The following RGP1 variants were observed in gnomAD, a reference collection of about 807,000 sequenced individuals.
RGP1 encodes RAB6A-GEF complex partner protein 2.
In RGP1, 28 loss-of-function variants were observed where a neutral mutation model predicts 44.5. The observed-to-expected ratio is 0.63, with a 90% CI of 0.47 to 0.86. The LOEUF is 0.86. RGP1 is among the 40% of genes least tolerant of loss of function. The probability of loss-of-function intolerance (pLI) is 0.00; values close to 1 mark genes in which losing one functional copy is unlikely to be tolerated. For synonymous variants in RGP1, 212 were observed against 196.7 expected, an observed-to-expected ratio of 1.08 and a Z score of -0.65; for missense variants, 417 against 490.7, an observed-to-expected ratio of 0.85 and a Z score of 1.42.
rs775519442 is a variant in RGP1, at chr9:35,749,309, GGACGCCGCCGCCGCCGCCGCCGCCGC to G, written c.-117_-92del. 1 of 522,040 alleles carries G rather than the reference GGACGCCGCCGCCGCCGCCGCCGCCGC, an allele frequency of 1.9e-6. No individual in the cohort carries two copies. Among genetic ancestry groups the G allele is most frequent in the South Asian group, 1.4e-5 (1 of 70,174 alleles). 32.3% of individuals were successfully genotyped at this position (522,040 alleles called of 1,614,324 possible). A position where few individuals can be genotyped will look rare whatever the true frequency, so the allele number is the denominator to read the frequency against. ...GGAAGTCCCGCCTCTACCGCCCAGCGGACGCCGCCGCCGCCGCCGCCGCCGCGTACCTAGCCAGGTCCCTGAGGGGC... is the reference window on the plus strand; with the variant it reads ...GGAAGTCCCGCCTCTACCGCCCAGCGGTACCTAGCCAGGTCCCTGAGGGGC... On this transcript the variant is annotated 5_prime_UTR_variant, in exon 1 of 9. Coordinates refer to ENST00000378078, the MANE Select transcript of RGP1 (RefSeq NM_001080496.3). The surrounding 1 kb of genome is among the most constrained non-coding windows in gnomAD (Gnocchi z 4.4).
the RGP1 span, among the ~76,000 whole-genome samples, chr9:35,782,254 A>C: frequency 6.6e-6 from 1 of 152,102 alleles, no homozygotes; most frequent in African/African-American, 2.4e-5. Flanking sequence ...AAGTTAGTAA[A>C]GGTGCCGTTA....
the RGP1 span, among the ~76,000 whole-genome samples, chr9:35,770,414 G>A: frequency 3.3e-5 from 5 of 150,776 alleles, no homozygotes; most frequent in African/African-American, 7.3e-5. Flanking sequence ...TGATTTGAAA[G>A]CTGATAGAAA....
chr9:35,785,996 A>G, the RGP1 span, among the ~76,000 whole-genome samples: 3 of 152,010 alleles, frequency 2.0e-5, no homozygotes, highest in Non-Finnish European at 2.9e-5. Flanking sequence ...CCAATCTTAC[A>G]TCGCCACTGC....
downstream of RGP1, among the ~76,000 whole-genome samples, chr9:35,759,729 T>A (rs1827402173): frequency 6.6e-6 from 1 of 151,948 alleles, no homozygotes; most frequent in Admixed American, 6.6e-5. Context: ...TAGAGGGTTG[T>A]AAATACTTAA....
chr9:35,751,910 T>C, intron 7 of RGP1, 46 bp from the exon 8 acceptor site: 3 of 1,557,020 alleles, frequency 1.9e-6, no homozygotes, highest in Non-Finnish European at 2.6e-6. Flanking sequence ...TCCTCTCACC[T>C]ACAGACAGCA....
chr9:35,759,084 C>T (rs1827395835), downstream of RGP1, among the ~76,000 whole-genome samples: 1 of 152,170 alleles, frequency 6.6e-6, no homozygotes, highest in Non-Finnish European at 1.5e-5. Flanking sequence ...GTTTCCATTA[C>T]TTTTCCTACA....
rs1019163079 is a variant in RGP1, at chr9:35,749,327, C to T, written c.-101C>T. 4 of 528,614 alleles carry T rather than the reference C, an allele frequency of 7.6e-6. No homozygotes were observed. The highest frequency in any genetic ancestry group is 1.5e-5 in the Non-Finnish European group (4 of 258,452). The allele number at this position is 528,614 out of a possible 1,614,324, so 32.7% of individuals were successfully genotyped here. Reference sequence around the variant, plus strand: ...GCCCAGCGGACGCCGCCGCCGCCGCCGCCGCCGCGTACCTAGCCAGGTCCC... The same window carrying T: ...GCCCAGCGGACGCCGCCGCCGCCGCTGCCGCCGCGTACCTAGCCAGGTCCC... On this transcript the variant is annotated 5_prime_UTR_variant, in exon 1 of 9. Coordinates refer to ENST00000378078, the MANE Select transcript of RGP1 (RefSeq NM_001080496.3). The surrounding 1 kb of genome is among the most constrained non-coding windows in gnomAD (Gnocchi z 4.4).
chr9:35,780,440 A>T, the RGP1 span: 2 of 152,342 alleles, frequency 1.3e-5, no homozygotes, highest in Admixed American at 1.3e-4. Context: ...ATGAAGACTG[A>T]TGGGTGGCAG....
rs1827314696 is a variant in RGP1 at position 35,753,817 on chromosome 9, G to A, written c.*943G>A. 6.4e-7 allele frequency: 1 copy of A among 1,557,128 alleles called. No individual in the cohort carries two copies. Reference sequence around the variant, plus strand: ...GTAGGTGTAGGAGTGCTGATGAGAGGCAGAGGCTCTTCTGGTCTGGGGTGG... The same window carrying A: ...GTAGGTGTAGGAGTGCTGATGAGAGACAGAGGCTCTTCTGGTCTGGGGTGG... On this transcript the variant is annotated 3_prime_UTR_variant, in exon 9 of 9. Transcript: ENST00000378078. This position sits in a 1 kb window ranked among gnomAD's most constrained non-coding sequence, Gnocchi z 4.2.
At position 35,754,970 on chromosome 9, in the gene RGP1, C is replaced by T. The variant is rs1827336402; in HGVS notation, c.*2096C>T. 6.6e-6 allele frequency: 1 copy of T among 152,202 alleles called. No homozygotes were observed. The highest frequency in any genetic ancestry group is 6.5e-5 in the Admixed American group (1 of 15,286). 9.4% of individuals were successfully genotyped at this position (152,202 alleles called of 1,614,324 possible). On this transcript the variant is annotated 3_prime_UTR_variant, in exon 9 of 9. Coordinates refer to ENST00000378078, the MANE Select transcript of RGP1 (RefSeq NM_001080496.3). The stretch of plus-strand genomic sequence containing the variant: ...CTAAGTGCCCTGATGGGATGAATCA[C>T]TCCAGGTTCACAGAGGTGTCCTCTC...
rs1827325963 is a variant in RGP1, at chr9:35,754,283, C to T, written c.*1409C>T. 4.2e-6 allele frequency: 4 copies of T among 944,886 alleles called. No homozygotes were observed. The South Asian group carries it at 7.5e-5, about 18-fold the overall frequency. The allele number at this position is 944,886 out of a possible 1,614,324, so 58.5% of individuals were successfully genotyped here. A position where few individuals can be genotyped will look rare whatever the true frequency, so the allele number is the denominator to read the frequency against. ...ACACTATCTCCCTGCCCTCTGCTCT[C>T]ACAGGCTGGGGATGTTTATAAAGTG... On this transcript the variant is annotated 3_prime_UTR_variant, in exon 9 of 9. Coordinates refer to ENST00000378078, the MANE Select transcript of RGP1 (RefSeq NM_001080496.3).
chr9:35,774,147 G>T, the RGP1 span, among the ~76,000 whole-genome samples: 2 of 152,178 alleles, frequency 1.3e-5, no homozygotes, highest in Non-Finnish European at 2.9e-5. Context: ...GGTTAATCTG[G>T]GTTATTCCGG....
the RGP1 span, among the ~76,000 whole-genome samples, chr9:35,778,204 A>G: frequency 6.6e-6 from 1 of 152,202 alleles, no homozygotes; most frequent in East Asian, 1.9e-4. Flanking sequence ...CGGGAGGCTG[A>G]GGCAGGAGAA....
the RGP1 span, among the ~76,000 whole-genome samples, chr9:35,767,198 A>G: frequency 6.6e-6 from 1 of 152,054 alleles, no homozygotes; most frequent in African/African-American, 2.4e-5. Flanking sequence ...TGCATGCAGA[A>G]TCATATCAAA....
At chr9:35,786,939 C>CA in the RGP1 span, among the ~76,000 whole-genome samples, 102 of 143,398 alleles carry the variant, frequency 7.1e-4, 1 homozygote, top group African/African-American at 1.5e-3. Context: ...ACTAAAAATA[C>CA]AAAAAAAAAA....
chr9:35,749,459 G>T lies in RGP1; in HGVS notation c.-20+51G>T. The T allele has an allele frequency of 1.6e-6, 1 of 620,662 alleles. No homozygotes were observed. The allele number at this position is 620,662 out of a possible 1,614,324, so 38.4% of individuals were successfully genotyped here. On this transcript the variant is annotated intron_variant, in intron 1 of 8. Coordinates refer to ENST00000378078, the MANE Select transcript of RGP1 (RefSeq NM_001080496.3). The surrounding 1 kb of genome is among the most constrained non-coding windows in gnomAD (Gnocchi z 4.4). ...TGGGACGTGGAACTTTGAGGAAAGG[G>T]GGAGCGGAGGCCAGTTTGGGAACTC... is the stretch of plus-strand genomic sequence containing the variant.
At chr9:35,762,530 C>T (rs140390750), downstream of RGP1, among the ~76,000 whole-genome samples, 50 of 152,238 alleles carry the variant, frequency 3.3e-4, no homozygotes, top group African/African-American at 1.1e-3. Flanking sequence ...AAAGTCAATT[C>T]GCCCTTTTTC....
chr9:35,754,242 C>T lies in RGP1; in HGVS notation c.*1368C>T, dbSNP rs533421481. 15 of 1,353,878 alleles carry T rather than the reference C, an allele frequency of 1.1e-5. No individual in the cohort carries two copies. The African/African-American group carries it at 1.5e-4, about 13-fold the overall frequency. 83.9% of individuals were successfully genotyped at this position (1,353,878 alleles called of 1,614,324 possible). On this transcript the variant is annotated 3_prime_UTR_variant, in exon 9 of 9. Coordinates refer to ENST00000378078, the MANE Select transcript of RGP1 (RefSeq NM_001080496.3). ...TGAGTCTTAGTTTCTGTCTTTCTCC[C>T]CTGGGCTCCTGTCTCACACTATCTC...
chr9:35,772,532 G>A, the RGP1 span, among the ~76,000 whole-genome samples: 5 of 152,060 alleles, frequency 3.3e-5, no homozygotes, highest in African/African-American at 4.8e-5. Context: ...GGTGGCTCAC[G>A]GCTGTAATCC....
Sources: allele counts gnomAD v4.1 joint callset (sites outside exome capture counted in the v4.1 genomes callset), GRCh38; gene constraint gnomAD v4.1.1; non-coding constraint Gnocchi (gnomAD v3.1); transcripts MANE v1.5; gene names NCBI Gene and HGNC (gene_info 2026-07-23, HGNC 2026-07-21).